Variants in PTPRZ1 observed in about 807,000 individuals in gnomAD.
PTPRZ1 encodes the protein protein tyrosine phosphatase receptor type Z1.
In PTPRZ1, 82 loss-of-function variants were observed where a neutral mutation model predicts 214.1. That is an observed-to-expected ratio of 0.38 (90% CI 0.32 to 0.46). The LOEUF (loss-of-function observed/expected upper bound fraction) is 0.46. Among genes scored for constraint, PTPRZ1 ranks in the 20% least tolerant of loss-of-function variants. PTPRZ1 has a pLI of 1.00. For synonymous variants in PTPRZ1, 945 were observed against 987.9 expected (o/e 0.96, Z 0.81); for missense variants, 2,603 against 2,748.7 (o/e 0.95, Z 1.19).
chr7:121,902,320 A>G (rs991443266), intron 1 of PTPRZ1, among the ~76,000 whole-genome samples: 1 of 152,180 alleles, frequency 6.6e-6, no homozygotes, highest in African/African-American at 2.4e-5. Flanking sequence ...GAGTGCAGAT[A>G]TATCTTTGAC....
chr7:121,873,528 G>C lies in PTPRZ1; in HGVS notation c.29G>C (p.Cys10Ser). The change falls in exon 1 of 30, where the codon TGC becomes TCC. Residue 10 changes from cysteine (C) to serine (S), a missense_variant. By Grantham distance (112) the Cys-to-Ser change is moderately radical. Around this residue, in one of 6 missense-constraint regions of PTPRZ1, gnomAD observed 141 missense variants for 143.7 expected, o/e 0.98. Transcript: ENST00000393386. MRILKRFLACIQLLCVCRLD... is the reference protein window; with the variant it reads MRILKRFLASIQLLCVCRLD... ...CGAATCCTAAAGCGTTTCCTCGCTTGCATTCAGCTCCTCTGTGTTTGCCGC... is the reference window on the plus strand; with the variant it reads ...CGAATCCTAAAGCGTTTCCTCGCTTCCATTCAGCTCCTCTGTGTTTGCCGC... The C allele has an allele frequency of 6.2e-7, 1 of 1,614,002 alleles. No homozygotes were observed. Among genetic ancestry groups the C allele is most frequent in the Non-Finnish European group, 8.5e-7 (1 of 1,180,040 alleles).
intron 13 of PTPRZ1, among the ~76,000 whole-genome samples, chr7:122,020,964 A>G (rs1472728767): frequency 1.3e-5 from 2 of 152,144 alleles, no homozygotes; most frequent in African/African-American, 4.8e-5. Flanking sequence ...CAAATTTTTT[A>G]CCACATTGAT....
Position 121,943,245 on chromosome 7 carries a change from C to T in PTPRZ1, c.124+15024C>T, listed in dbSNP as rs192530004. 5.2e-3 allele frequency among the ~76,000 whole-genome samples: 794 copies of T among 152,252 alleles called. 3 individuals are homozygous for T. The highest frequency in any genetic ancestry group is 7.1e-3 in the Non-Finnish European group (484 of 68,008). ...TTTCCTTATTTGGAATATTCTTAAA[C>T]TTTTACAGTATGTTCTTTTTTTGAC... On this transcript the variant is annotated intron_variant, in intron 2 of 29. Transcript: ENST00000393386.
Position 122,013,785 on chromosome 7 carries a change from G to A in PTPRZ1, c.4739G>A (p.Gly1580Glu), listed in dbSNP as rs1162577578. ...FADTNEKDAD[G>E]ILAAGDSEIT... ...GACACTAATGAAAAAGATGCTGATG[G>A]GATCCTGGCAGCAGGTGACTCAGAA... is the stretch of plus-strand genomic sequence containing the variant. The change falls in exon 12 of 30, where the codon GGG becomes GAG. Residue 1580 changes from glycine to glutamate, a missense_variant. Coordinates refer to ENST00000393386, the MANE Select transcript of PTPRZ1 (RefSeq NM_002851.3). 1 of 1,613,950 alleles carries A rather than the reference G, an allele frequency of 6.2e-7. No individual in the cohort carries two copies. The highest frequency in any genetic ancestry group is 1.3e-5 in the African/African-American group (1 of 74,904).
chr7:121,930,292 T>A (rs757286265), intron 2 of PTPRZ1, among the ~76,000 whole-genome samples: 15 of 152,170 alleles, frequency 9.9e-5, no homozygotes, highest in Non-Finnish European at 2.1e-4. Flanking sequence ...ATACTACTTT[T>A]GATATTTTAA....
intron 1 of PTPRZ1, among the ~76,000 whole-genome samples, chr7:121,926,921 A>G (rs974229178): frequency 2.0e-5 from 3 of 152,096 alleles, no homozygotes; most frequent in African/African-American, 7.2e-5. Context: ...CAAAACCTTT[A>G]TTTTTCCAAA....
At chr7:122,018,293 T>G (rs2116680851) in intron 12 of PTPRZ1, among the ~76,000 whole-genome samples, 1 of 152,318 alleles carries the variant, frequency 6.6e-6, no homozygotes, top group South Asian at 2.1e-4. Context: ...AAACACTCAC[T>G]GTTCTGAAAC....
intron 11 of PTPRZ1, among the ~76,000 whole-genome samples, chr7:122,005,431 A>C (rs765232187): frequency 7.9e-5 from 12 of 151,942 alleles, no homozygotes; most frequent in African/African-American, 2.7e-4. Flanking sequence ...AAAGTGTGAC[A>C]ACTAGTGCTG....
intron 18 of PTPRZ1, among the ~76,000 whole-genome samples, 172 bp downstream of exon 18, chr7:122,036,854 T>C (rs1799558905): frequency 6.6e-6 from 1 of 152,190 alleles, no homozygotes; most frequent in African/African-American, 2.4e-5. Context: ...ACTAAAAATT[T>C]TCATATTAAA....
At chr7:122,055,525 GAAAGTT>G (rs1330541065) in intron 27 of PTPRZ1, among the ~76,000 whole-genome samples, 1 of 151,814 alleles carries the variant, frequency 6.6e-6, no homozygotes, top group Non-Finnish European at 1.5e-5. Context: ...TACCAATGTA[GAAAGTT>G]GATGAGTGAT....
At chr7:122,016,569 T>C (rs886886147) in intron 12 of PTPRZ1, among the ~76,000 whole-genome samples, 3 of 151,998 alleles carry the variant, frequency 2.0e-5, no homozygotes, top group African/African-American at 7.2e-5. Context: ...AGATCAAATA[T>C]CCCAGAGCAC....
At chr7:121,895,684 C>A (rs574411162) in intron 1 of PTPRZ1, among the ~76,000 whole-genome samples, 15 of 152,078 alleles carry the variant, frequency 9.9e-5, no homozygotes, top group African/African-American at 2.9e-4. Context: ...GTCTTCAAGA[C>A]GACTCAGATT....
intron 27 of PTPRZ1, among the ~76,000 whole-genome samples, chr7:122,058,367 C>T (rs542151263): frequency 1.4e-4 from 22 of 151,974 alleles, no homozygotes; most frequent in Non-Finnish European, 2.9e-4. Flanking sequence ...TCGGCGTTTT[C>T]TCCACTGTGT....
chr7:122,031,325 A>T (rs1799363457), intron 14 of PTPRZ1, 149 bp from the exon 15 acceptor site: 5 of 620,994 alleles, frequency 8.1e-6, no homozygotes, highest in Non-Finnish European at 1.4e-5. Context: ...TGTAGAGAAA[A>T]TTGGTAATTG....
chr7:121,982,409 T>C (rs998726008), intron 6 of PTPRZ1, among the ~76,000 whole-genome samples: 1 of 151,106 alleles, frequency 6.6e-6, no homozygotes, highest in Non-Finnish European at 1.5e-5. Flanking sequence ...ATATGTCAAT[T>C]ACACACACAA....
At chr7:121,882,032 A>G (rs1794256906) in intron 1 of PTPRZ1, among the ~76,000 whole-genome samples, 1 of 152,216 alleles carries the variant, frequency 6.6e-6, no homozygotes, top group Non-Finnish European at 1.5e-5. Flanking sequence ...ATTATTAATC[A>G]GGTATAGGCT....
intron 8 of PTPRZ1, among the ~76,000 whole-genome samples, chr7:121,987,858 G>GT (rs1176295173): frequency 6.6e-6 from 1 of 152,106 alleles, no homozygotes; most frequent in South Asian, 2.1e-4. Context: ...ATGAAATCAT[G>GT]TTTTTTTGCA....
At chr7:121,912,703 A>G (rs1795314029) in intron 1 of PTPRZ1, among the ~76,000 whole-genome samples, 1 of 152,144 alleles carries the variant, frequency 6.6e-6, no homozygotes, top group Non-Finnish European at 1.5e-5. Context: ...GGAGGATGGG[A>G]AAAGAGTGGT....
chr7:122,048,573 A>G (rs1480431194), intron 23 of PTPRZ1, among the ~76,000 whole-genome samples: 1 of 152,164 alleles, frequency 6.6e-6, no homozygotes, highest in Non-Finnish European at 1.5e-5. Flanking sequence ...ATTATTATGC[A>G]TTGTATGCCT....
Sources: gnomAD v4.1 joint callset for allele counts (sites outside exome capture counted in the v4.1 genomes callset) on GRCh38, gnomAD v4.1.1 for gene constraint, gnomAD v4.1.1 regional missense constraint, MANE v1.5 for transcripts, NCBI Gene and HGNC (gene_info 2026-07-23, HGNC 2026-07-21) for gene names.